GDF11: variants seen among roughly 807,000 people sequenced by gnomAD.
GDF11 encodes growth differentiation factor 11.
GDF11 carries 12 observed loss-of-function variants against 34.4 expected under a neutral mutation model. The ratio of observed to expected loss-of-function variants is 0.35; its 90% confidence interval spans 0.22 to 0.57. The LOEUF is 0.57. Among genes scored for constraint, GDF11 ranks in the 20% least tolerant of loss-of-function variants. The probability of loss-of-function intolerance (pLI) is 0.86; values close to 1 mark genes in which losing one functional copy is unlikely to be tolerated. For missense variants in GDF11, 346 were observed against 548.2 expected (o/e 0.63, Z 3.68); for synonymous variants, 212 against 231.1 (o/e 0.92, Z 0.75).
rs1457944691 is a variant in GDF11 at position 55,749,175 on chromosome 12, A to G, written c.843+192A>G. Among the ~76,000 whole-genome samples the G allele has an allele frequency of 6.6e-6, 1 of 152,232 alleles. No homozygotes were observed. The highest frequency in any genetic ancestry group is 1.5e-5 in the Non-Finnish European group (1 of 68,044). ...ATTACTTCTCAAGGATCCAAATCAGACAACAGCTGAAAACTGGATTTGAAG... is the reference window on the plus strand; with the variant it reads ...ATTACTTCTCAAGGATCCAAATCAGGCAACAGCTGAAAACTGGATTTGAAG... On this transcript the variant is annotated intron_variant, in intron 2 of 2. Transcript: ENST00000257868. The surrounding 1 kb of genome is among the most constrained non-coding windows in gnomAD (Gnocchi z 5.6).
At position 55,752,087 on chromosome 12, in the gene GDF11, C is replaced by G. The variant is rs1483396604; in HGVS notation, c.*2205C>G. 6.6e-6 allele frequency: 1 copy of G among 152,272 alleles called. No homozygotes were observed. Among genetic ancestry groups the G allele is most frequent in the Non-Finnish European group, 1.5e-5 (1 of 68,092 alleles). 9.4% of individuals were successfully genotyped at this position (152,272 alleles called of 1,614,324 possible). A position where few individuals can be genotyped will look rare whatever the true frequency, so the allele number is the denominator to read the frequency against. On this transcript the variant is annotated 3_prime_UTR_variant, in exon 3 of 3. Transcript: ENST00000257868. Reference sequence around the variant, plus strand: ...GCAGCTATGCTAACCCCAAGCCTCTCTGGCCCTGTTCTTCATCCTTCCTTC... The same window carrying G: ...GCAGCTATGCTAACCCCAAGCCTCTGTGGCCCTGTTCTTCATCCTTCCTTC...
intron 1 of GDF11, among the ~76,000 whole-genome samples, chr12:55,745,541 C>T (rs1441042882): frequency 1.4e-5 from 2 of 147,648 alleles, no homozygotes; most frequent in Non-Finnish European, 3.0e-5. Flanking sequence ...TATTGTACGT[C>T]CCCTTTAAGA....
rs1013175575 is a variant in GDF11, at chr12:55,748,290, C to T, written c.446-296C>T. On this transcript the variant is annotated intron_variant, in intron 1 of 2. Transcript: ENST00000257868. The surrounding 1 kb of genome is among the most constrained non-coding windows in gnomAD (Gnocchi z 5.6). Reference sequence around the variant, plus strand: ...GCCTTATATGCTGGGAAAAGTTGGACAGTAAGGATGGTGGTGGATGAATAA... The same window carrying T: ...GCCTTATATGCTGGGAAAAGTTGGATAGTAAGGATGGTGGTGGATGAATAA... 9.2e-5 allele frequency among the ~76,000 whole-genome samples: 14 copies of T among 152,090 alleles called. No homozygotes were observed. The highest frequency in any genetic ancestry group is 3.1e-4 in the African/African-American group (13 of 41,396).
At chr12:55,744,804 G>A (rs912520217) in intron 1 of GDF11, among the ~76,000 whole-genome samples, 2 of 152,034 alleles carry the variant, frequency 1.3e-5, no homozygotes, top group Non-Finnish European at 2.9e-5. Flanking sequence ...ACAGAGTTTG[G>A]TTTTATGGCT....
rs1470793267 is a variant in GDF11 at position 55,751,373 on chromosome 12, A to C, written c.*1491A>C. 6.6e-6 allele frequency: 1 copy of C among 152,154 alleles called. No individual in the cohort carries two copies. Among genetic ancestry groups the C allele is most frequent in the Non-Finnish European group, 1.5e-5 (1 of 68,066 alleles). The allele number at this position is 152,154 out of a possible 1,614,324, so 9.4% of individuals were successfully genotyped here. On this transcript the variant is annotated 3_prime_UTR_variant, in exon 3 of 3. Coordinates refer to ENST00000257868, the MANE Select transcript of GDF11 (RefSeq NM_005811.5). ...TGGTTGCCATTTCAAGTCACTAGCT[A>C]GGCCCATTCATTCCTCCCACAACCC...
Position 55,743,496 on chromosome 12 carries a change from C to A in GDF11, c.180C>A (p.Asp60Glu). 1 of 1,576,278 alleles carries A rather than the reference C, an allele frequency of 6.3e-7. No homozygotes were observed. Among genetic ancestry groups the A allele is most frequent in the Non-Finnish European group, 8.6e-7 (1 of 1,168,734 alleles). Residue 60 changes from aspartate (D) to glutamate (E), a missense_variant, in exon 1 of 3, where the codon GAC becomes GAA. By Grantham distance (45) the Asp-to-Glu change is conservative. Coordinates refer to ENST00000257868, the MANE Select transcript of GDF11 (RefSeq NM_005811.5). The stretch of plus-strand genomic sequence containing the variant: ...CCCCGTCCGTGGCGCCCGAGCCGGA[C>A]GGCTGCCCCGTGTGCGTTTGGCGGC... ...RPAPSVAPEP[D>E]GCPVCVWRQH... is the part of the protein sequence containing the mutation.
In GDF11 at chr12:55,749,428, A is replaced by G; in HGVS notation, c.844-74A>G. On this transcript the variant is annotated intron_variant, in intron 2 of 2. Transcript: ENST00000257868. The surrounding 1 kb of genome is among the most constrained non-coding windows in gnomAD (Gnocchi z 5.6). ...CAGTCTCTATTCTGATGCCCCTGGC[A>G]GGTGGGAAAGGAACAGGGAAGAGGA... 6.9e-7 allele frequency: 1 copy of G among 1,451,648 alleles called. No homozygotes were observed. The highest frequency in any genetic ancestry group is 9.3e-7 in the Non-Finnish European group (1 of 1,074,820). The allele number at this position is 1,451,648 out of a possible 1,614,324, so 89.9% of individuals were successfully genotyped here.
chr12:55,751,016 C>G lies in GDF11; in HGVS notation c.*1134C>G, dbSNP rs141733058. On this transcript the variant is annotated 3_prime_UTR_variant, in exon 3 of 3. Transcript: ENST00000257868. ...GGGTCTGGAAAGCGTTAGGAGAGGTCAAGAAAGGAGCAGTAAGGAGGCTGA... is the reference window on the plus strand; with the variant it reads ...GGGTCTGGAAAGCGTTAGGAGAGGTGAAGAAAGGAGCAGTAAGGAGGCTGA... The G allele has an allele frequency of 9.2e-3, 1,401 of 152,074 alleles. 19 individuals are homozygous for G. Among genetic ancestry groups the G allele is most frequent in the Admixed American group, 0.03 (457 of 15,266 alleles). 9.4% of individuals were successfully genotyped at this position (152,074 alleles called of 1,614,324 possible).
Position 55,743,277 on chromosome 12 carries a change from G to A in GDF11, c.-40G>A. On this transcript the variant is annotated 5_prime_UTR_variant, in exon 1 of 3. Transcript: ENST00000257868. ...TCCGCCCCCTCCCCGCGGGACTCCG[G>A]CGTCCCCGCCCCCCAGTCCTCCCTC... 2.6e-6 allele frequency: 2 copies of A among 762,642 alleles called. No homozygotes were observed. The highest frequency in any genetic ancestry group is 1.6e-6 in the Non-Finnish European group (1 of 628,920). 47.2% of individuals were successfully genotyped at this position (762,642 alleles called of 1,614,324 possible).
rs1465676590 is a variant in GDF11 at position 55,748,982 on chromosome 12, T to A, written c.842T>A (p.Leu281Gln). 1.3e-6 allele frequency: 2 copies of A among 1,595,248 alleles called. No homozygotes were observed. Among genetic ancestry groups the A allele is most frequent in the African/African-American group, 2.7e-5 (2 of 74,942 alleles). ...TCCCTGGGGCCGGGAGCCGAGGGGC[T>A]GGTGAGCAGGGGGCCTGAGGTGGTG... Reference protein sequence around the residue: ...VTSLGPGAEGLHPFMELRVLE... With the variant: ...VTSLGPGAEGQHPFMELRVLE... Residue 281 changes from leucine to glutamine, a missense_variant and splice_region_variant, in exon 2 of 3, where the codon CTG (leucine) becomes CAG (glutamine). Transcript: ENST00000257868. This position sits in a 1 kb window ranked among gnomAD's most constrained non-coding sequence, Gnocchi z 5.6.
In GDF11 at chr12:55,749,258, T is replaced by C. The variant is rs930892481; in HGVS notation, c.844-244T>C. Among the ~76,000 whole-genome samples, 12 of 152,112 alleles carry C rather than the reference T, an allele frequency of 7.9e-5. No homozygotes were observed. The highest frequency in any genetic ancestry group is 1.5e-4 in the Non-Finnish European group (10 of 68,020). On this transcript the variant is annotated intron_variant, in intron 2 of 2. Transcript: ENST00000257868. The surrounding 1 kb of genome is among the most constrained non-coding windows in gnomAD (Gnocchi z 5.6). ...AACAAAAAAACTGGCTGTTGAGGCGTTGGGCCAAGGGGCTGACAGGGATCA... is the reference window on the plus strand; with the variant it reads ...AACAAAAAAACTGGCTGTTGAGGCGCTGGGCCAAGGGGCTGACAGGGATCA...
intron 1 of GDF11, among the ~76,000 whole-genome samples, chr12:55,746,399 T>C (rs1878186463): frequency 6.6e-6 from 1 of 152,226 alleles, no homozygotes; most frequent in Non-Finnish European, 1.5e-5. Flanking sequence ...CCCCTGCATC[T>C]TTCCACTCTA....
chr12:55,745,652 C>A lies in GDF11; in HGVS notation c.445+1891C>A, dbSNP rs376820214. Among the ~76,000 whole-genome samples, 27 of 152,070 alleles carry A rather than the reference C, an allele frequency of 1.8e-4. No individual in the cohort carries two copies. The East Asian group carries it at 5.2e-3, about 29-fold the overall frequency. On this transcript the variant is annotated intron_variant, in intron 1 of 2. Coordinates refer to ENST00000257868, the MANE Select transcript of GDF11 (RefSeq NM_005811.5). ...TTTTATAGTCTAATCCCCAGGGACCCGCTTTAATAAGAGACTTGTGCTCTG... is the reference window on the plus strand; with the variant it reads ...TTTTATAGTCTAATCCCCAGGGACCAGCTTTAATAAGAGACTTGTGCTCTG...
Position 55,743,324 on chromosome 12 carries a change from T to C in GDF11, c.8T>C (p.Leu3Pro). The change falls in exon 1 of 3, where the codon CTC becomes CCC. Residue 3 changes from leucine (L) to proline (P), a missense_variant. Around this residue, in one of 3 missense-constraint regions of GDF11, gnomAD observed 141 missense variants for 213.8 expected, o/e 0.66. Transcript: ENST00000257868. MV[L>P]AAPLLLGFLL... ...CCTCCCCTCCCCTCCAGCATGGTGC[T>C]CGCGGCCCCGCTGCTGCTGGGCTTC... The C allele has an allele frequency of 2.0e-6, 2 of 977,406 alleles. No individual in the cohort carries two copies. Among genetic ancestry groups the C allele is most frequent in the Non-Finnish European group, 2.4e-6 (2 of 826,722 alleles). 60.5% of individuals were successfully genotyped at this position (977,406 alleles called of 1,614,324 possible). A position where few individuals can be genotyped will look rare whatever the true frequency, so the allele number is the denominator to read the frequency against.
intron 1 of GDF11, among the ~76,000 whole-genome samples, chr12:55,747,807 T>C (rs1878216371): frequency 6.6e-6 from 1 of 152,194 alleles, no homozygotes; most frequent in Non-Finnish European, 1.5e-5. Context: ...TTGTAGTTAA[T>C]CTGGTGTATT....
chr12:55,749,990 CACCGTTCCCCG>C lies in GDF11; in HGVS notation c.*112_*122del. 1 of 961,446 alleles carries C rather than the reference CACCGTTCCCCG, an allele frequency of 1.0e-6. No individual in the cohort carries two copies. Among genetic ancestry groups the C allele is most frequent in the Non-Finnish European group, 1.6e-6 (1 of 641,946 alleles). 59.6% of individuals were successfully genotyped at this position (961,446 alleles called of 1,614,324 possible). A position where few individuals can be genotyped will look rare whatever the true frequency, so the allele number is the denominator to read the frequency against. On this transcript the variant is annotated 3_prime_UTR_variant, in exon 3 of 3. Transcript: ENST00000257868. This position sits in a 1 kb window ranked among gnomAD's most constrained non-coding sequence, Gnocchi z 5.6. ...CCCTCCACTCTTCCCGCGAACATCA[CACCGTTCCCCG>C]ACCAAGCCGTGTGCAATACAACAGA...
At chr12:55,744,103 G>C (rs1054780110) in intron 1 of GDF11, among the ~76,000 whole-genome samples, 3 of 152,194 alleles carry the variant, frequency 2.0e-5, no homozygotes, top group African/African-American at 7.2e-5. Context: ...TGGTGGGGAG[G>C]CTGGAGAACA....
At position 55,743,162 on chromosome 12, in the gene GDF11, C is replaced by G. The variant is rs1173534385; in HGVS notation, c.-155C>G. On this transcript the variant is annotated 5_prime_UTR_variant, in exon 1 of 3. Transcript: ENST00000257868. ...CCGCCCGCCCGCCCCGCCCGCGCGC[C>G]CGCCGCCCCCGGCCCCCCGGGTCCC... 1 of 147,292 alleles carries G rather than the reference C, an allele frequency of 6.8e-6. No homozygotes were observed. 9.1% of individuals were successfully genotyped at this position (147,292 alleles called of 1,614,324 possible).
At position 55,757,187 on chromosome 12, in the gene GDF11, C is replaced by T. The variant is rs1176907785; in HGVS notation, c.*7305C>T. ...GGATAAAGGTATTATGGCCAATTCT[C>T]TATAATATTTGCCCCTGAAGCTCCC... On this transcript the variant is annotated 3_prime_UTR_variant, in exon 3 of 3. Coordinates refer to ENST00000257868, the MANE Select transcript of GDF11 (RefSeq NM_005811.5). 5.0e-6 allele frequency: 1 copy of T among 200,426 alleles called. No homozygotes were observed. The highest frequency in any genetic ancestry group is 2.3e-5 in the African/African-American group (1 of 43,000). The allele number at this position is 200,426 out of a possible 1,614,324, so 12.4% of individuals were successfully genotyped here.
Sources: gnomAD v4.1 joint callset for allele counts (sites outside exome capture counted in the v4.1 genomes callset) on GRCh38, gnomAD v4.1.1 for gene constraint, gnomAD v4.1.1 regional missense constraint, Gnocchi (gnomAD v3.1) non-coding constraint, MANE v1.5 for transcripts, NCBI Gene and HGNC (gene_info 2026-07-23, HGNC 2026-07-21) for gene names.